CNRIP1: variants seen among roughly 807,000 people sequenced by gnomAD.
CNRIP1 encodes the protein CB1 cannabinoid receptor-interacting protein 1.
A neutral mutation model predicts 15.2 loss-of-function variants in CNRIP1; 10 were observed. That is an observed-to-expected ratio of 0.66 (90% confidence interval 0.41 to 1.12). CNRIP1 has a LOEUF of 1.12. Among genes scored for constraint, CNRIP1 ranks in the 50% most tolerant of loss-of-function variants. The probability of loss-of-function intolerance (pLI) is 0.00; values close to 1 mark genes in which losing one functional copy is unlikely to be tolerated. For missense variants in CNRIP1, 211 were observed against 214.7 expected (o/e 0.98, Z 0.11); for synonymous variants, 91 against 83.2 (o/e 1.09, Z -0.51).
intron 2 of CNRIP1, among the ~76,000 whole-genome samples, chr2:68,298,805 T>C (rs1332387951): frequency 6.6e-6 from 1 of 152,192 alleles, no homozygotes; most frequent in Non-Finnish European, 1.5e-5. Flanking sequence ...ACCTAGCTCA[T>C]AATTTCTTCT....
chr2:68,291,483 T>TC (rs1448503042), downstream of CNRIP1, among the ~76,000 whole-genome samples: 7 of 152,086 alleles, frequency 4.6e-5, no homozygotes, highest in African/African-American at 1.7e-4. Flanking sequence ...TTCTGGCTCG[T>TC]TTGTGGGACA....
exon 3 of CNRIP1, chr2:68,284,471 T>C (rs1341380783): frequency 1.3e-6 from 2 of 1,542,020 alleles, no homozygotes; most frequent in Non-Finnish European, 1.8e-6. Flanking sequence ...TTGGGGTCGT[T>C]GTTCCAGGCA....
chr2:68,305,199 G>A (rs1671772199), intron 2 of CNRIP1, among the ~76,000 whole-genome samples: 1 of 146,592 alleles, frequency 6.8e-6, no homozygotes, highest in South Asian at 2.1e-4. Flanking sequence ...AGCCGAGATT[G>A]CGCCATCGTA....
intron 2 of CNRIP1, among the ~76,000 whole-genome samples, chr2:68,300,632 G>C (rs568247038): frequency 1.3e-5 from 2 of 149,684 alleles, no homozygotes; most frequent in Non-Finnish European, 3.0e-5. Flanking sequence ...AATAAAAAAA[G>C]AAAAAAGAAA....
chr2:68,309,319 C>T (rs2103672670), intron 2 of CNRIP1, among the ~76,000 whole-genome samples: 1 of 152,162 alleles, frequency 6.6e-6, no homozygotes, highest in African/African-American at 2.4e-5. Flanking sequence ...TCAATAAAAC[C>T]CCCAAAAGGC....
rs138326313 is a variant in CNRIP1, at chr2:68,302,455, G to C, written c.331-8429C>G. Among the ~76,000 whole-genome samples the C allele has an allele frequency of 2.2e-3, 334 of 152,286 alleles. 1 individual carries two copies. Among genetic ancestry groups the C allele is most frequent in the African/African-American group, 7.9e-3 (327 of 41,552 alleles). ...TCTATCTGGCCTTTCTCCTTGGAGGGACTGATTGGGAATTAGTCACACTGC... is the reference window on the plus strand; with the variant it reads ...TCTATCTGGCCTTTCTCCTTGGAGGCACTGATTGGGAATTAGTCACACTGC... On this transcript the variant is annotated intron_variant, in intron 2 of 2. Coordinates refer to ENST00000263655, the MANE Select transcript of CNRIP1 (RefSeq NM_015463.3).
At position 68,319,283 on chromosome 2, in the gene CNRIP1, G is replaced by A. The variant is rs532371559; in HGVS notation, c.118C>T (p.Leu40=). The A allele has an allele frequency of 1.7e-5, 26 of 1,551,742 alleles. 1 individual carries two copies. The highest frequency in any genetic ancestry group is 2.3e-5 in the Non-Finnish European group (26 of 1,147,586). The change falls in exon 1 of 3, where the codon CTG becomes TTG. Residue 40 remains leucine, a synonymous_variant. Coordinates refer to ENST00000263655, the MANE Select transcript of CNRIP1 (RefSeq NM_015463.3). The part of the protein sequence containing the change: ...QRFGQNRTIK[L]LTGSSYKVEV... The stretch of plus-strand genomic sequence containing the variant: ...ACCTTGTAGGAGGAGCCGGTGAGCA[G>A]CTTGATGGTGCGGTTCTGGCCGAAG...
At chr2:68,284,327 G>C in exon 3 of CNRIP1, 1 of 662,094 alleles carries the variant, frequency 1.5e-6, no homozygotes, top group East Asian at 3.2e-5. Context: ...CGATAATTCT[G>C]ATGGCCTGTG....
chr2:68,296,009 T>TG (rs1202479826), intron 2 of CNRIP1, among the ~76,000 whole-genome samples: 2 of 152,218 alleles, frequency 1.3e-5, no homozygotes, highest in African/African-American at 4.8e-5. Context: ...ATCATTTGCA[T>TG]GAAGTTAAAG....
intron 2 of CNRIP1, among the ~76,000 whole-genome samples, chr2:68,305,742 G>A (rs1671815611): frequency 6.7e-6 from 1 of 148,948 alleles, no homozygotes; most frequent in Non-Finnish European, 1.5e-5. Context: ...CTTGCAGTAA[G>A]CCGAGATGGC....
chr2:68,307,996 G>A (rs1671921502), intron 2 of CNRIP1, among the ~76,000 whole-genome samples: 1 of 151,948 alleles, frequency 6.6e-6, no homozygotes, highest in Admixed American at 6.6e-5. Context: ...AGTTTGAGAT[G>A]AGCCTGGGCA....
Position 68,293,635 on chromosome 2 carries a change from C to A in CNRIP1, c.*227G>T. The A allele has an allele frequency of 3.3e-6, 4 of 1,223,246 alleles. No homozygotes were observed. The highest frequency in any genetic ancestry group is 4.1e-6 in the Non-Finnish European group (4 of 972,344). 75.8% of individuals were successfully genotyped at this position (1,223,246 alleles called of 1,614,324 possible). ...GAACAACTGGATGCAGGAACATCAG[C>A]ACAAAATACAGATGGGAATATTCTC... On this transcript the variant is annotated 3_prime_UTR_variant, in exon 3 of 3. Transcript: ENST00000263655.
In CNRIP1 at chr2:68,307,850, TACAA is replaced by T. The variant is rs10594444; in HGVS notation, c.330+9303_330+9306del. Among the ~76,000 whole-genome samples the T allele has an allele frequency of 8.9e-3, 1,350 of 152,266 alleles. 23 individuals are homozygous for T. Among genetic ancestry groups the T allele is most frequent in the African/African-American group, 0.031 (1,298 of 41,532 alleles). Reference sequence around the variant, plus strand: ...TGACCATTTTGCTCCTTTTAAAGTATACAAACAATCTTACAATGTTAACAGCAAA... The same window carrying T: ...TGACCATTTTGCTCCTTTTAAAGTATACAATCTTACAATGTTAACAGCAAA... On this transcript the variant is annotated intron_variant, in intron 2 of 2. Coordinates refer to ENST00000263655, the MANE Select transcript of CNRIP1 (RefSeq NM_015463.3).
rs1434103619 is a variant in CNRIP1, at chr2:68,307,384, T to G, written c.330+9773A>C. On this transcript the variant is annotated intron_variant, in intron 2 of 2. Coordinates refer to ENST00000263655, the MANE Select transcript of CNRIP1 (RefSeq NM_015463.3). ...TGGCCCAGGCTGGAGTATAGTGGTTTGATCATAGCTCACTGCAGCCTTGAA... is the reference window on the plus strand; with the variant it reads ...TGGCCCAGGCTGGAGTATAGTGGTTGGATCATAGCTCACTGCAGCCTTGAA... Among the ~76,000 whole-genome samples, 3 of 152,358 alleles carry G rather than the reference T, an allele frequency of 2.0e-5. No individual in the cohort carries two copies. In the East Asian group the frequency reaches 5.8e-4, roughly 29 times the overall value.
At chr2:68,287,103 T>C (rs1185144331) in intron 2 of CNRIP1, among the ~76,000 whole-genome samples, 1 of 152,236 alleles carries the variant, frequency 6.6e-6, no homozygotes, top group African/African-American at 2.4e-5. Flanking sequence ...GTTTAATCCT[T>C]CTCCTAATCC....
At position 68,319,662 on chromosome 2, in the gene CNRIP1, C is replaced by T. The variant is rs1042035534; in HGVS notation, c.-262G>A. On this transcript the variant is annotated 5_prime_UTR_variant, in exon 1 of 3. Transcript: ENST00000263655. ...GCTCCAAGGCCGCGCGCTTCCCCAT[C>T]CCCCGCTCCAGTGCTGCGCCCTCCA... is the stretch of plus-strand genomic sequence containing the variant. 4.5e-6 allele frequency: 2 copies of T among 443,064 alleles called. No homozygotes were observed. The highest frequency in any genetic ancestry group is 3.0e-5 in the South Asian group (1 of 33,296). 27.4% of individuals were successfully genotyped at this position (443,064 alleles called of 1,614,324 possible). A position where few individuals can be genotyped will look rare whatever the true frequency, so the allele number is the denominator to read the frequency against.
In CNRIP1 at chr2:68,319,556, C is replaced by G. The variant is rs1319966098; in HGVS notation, c.-156G>C. 1 of 723,606 alleles carries G rather than the reference C, an allele frequency of 1.4e-6. No homozygotes were observed. 44.8% of individuals were successfully genotyped at this position (723,606 alleles called of 1,614,324 possible). A position where few individuals can be genotyped will look rare whatever the true frequency, so the allele number is the denominator to read the frequency against. On this transcript the variant is annotated 5_prime_UTR_variant, in exon 1 of 3. Coordinates refer to ENST00000263655, the MANE Select transcript of CNRIP1 (RefSeq NM_015463.3). ...CGCTAGGAACCCGCGCCGTCGCCGC[C>G]GTCCGCCCGGGCTTTTGAGGAGCAG...
rs772428324 is a variant in CNRIP1 at position 68,285,656 on chromosome 2, C to CAA, written c.331-1174_331-1173dup. Among the ~76,000 whole-genome samples, 371 of 103,796 alleles carry CAA rather than the reference C, an allele frequency of 3.6e-3. 1 individual carries two copies. The highest frequency in any genetic ancestry group is 0.011 in the African/African-American group (285 of 25,906). 68.1% of individuals were successfully genotyped at this position (103,796 alleles called of 152,430 possible). A position where few individuals can be genotyped will look rare whatever the true frequency, so the allele number is the denominator to read the frequency against. On this transcript the variant is annotated intron_variant, in intron 2 of 2. Transcript: ENST00000409559. ...GCTGTTACAGAGCAAGACCCTGTCT[C>CAA]AAAAAAAAAAAAAAAAGAAAAGAAA...
chr2:68,298,450 T>C (rs1030099977), intron 2 of CNRIP1, among the ~76,000 whole-genome samples: 2 of 151,782 alleles, frequency 1.3e-5, no homozygotes, highest in African/African-American at 4.9e-5. Context: ...AAGTTGGTTA[T>C]AAAAATAAAA....
Sources: allele counts gnomAD v4.1 joint callset (sites outside exome capture counted in the v4.1 genomes callset), GRCh38; gene constraint gnomAD v4.1.1; transcripts MANE v1.5; gene names NCBI Gene and HGNC (gene_info 2026-07-23, HGNC 2026-07-21).